Variants in NUP214 observed in about 807,000 individuals in gnomAD.
NUP214 encodes the protein nuclear pore complex protein Nup214.
In NUP214, 79 loss-of-function variants were observed where a neutral mutation model predicts 196.2. The observed-to-expected ratio is 0.40, with a 90% CI of 0.34 to 0.49. NUP214 has a LOEUF of 0.49. NUP214 is among the 20% of genes least tolerant of loss of function. The pLI, the probability that NUP214 is intolerant of heterozygous loss-of-function variation, is 0.58. For missense variants in NUP214, 2,468 were observed against 2,539.0 expected (o/e 0.97, Z 0.60); for synonymous variants, 1,020 against 990.5 (o/e 1.03, Z -0.56).
At chr9:131,150,493 T>C in intron 15 of NUP214, 83 bp downstream of exon 15, 2 of 1,569,850 alleles carry the variant, frequency 1.3e-6, no homozygotes, top group East Asian at 2.2e-5. Flanking sequence ...GTATGACTAG[T>C]TAGTTCATTC....
At chr9:131,223,925 G>A (rs1834654711) in intron 32 of NUP214, among the ~76,000 whole-genome samples, 1 of 149,320 alleles carries the variant, frequency 6.7e-6, no homozygotes, top group Non-Finnish European at 1.5e-5. Context: ...TAGTAGAGAC[G>A]GGGTTTCACC....
chr9:131,148,532 C>T (rs1411502542), intron 14 of NUP214, among the ~76,000 whole-genome samples: 1 of 152,042 alleles, frequency 6.6e-6, no homozygotes, highest in Non-Finnish European at 1.5e-5. Flanking sequence ...TAGTAGATTC[C>T]CACCAAGAGT....
At chr9:131,216,114 G>A (rs1194855233) in intron 31 of NUP214, among the ~76,000 whole-genome samples, 3 of 151,552 alleles carry the variant, frequency 2.0e-5, no homozygotes, top group Non-Finnish European at 2.9e-5. Flanking sequence ...TGTTGACCAG[G>A]CTGGTCTCAA....
rs767144957 is a variant in NUP214 at position 131,175,538 on chromosome 9, C to A, written c.3236C>A (p.Ala1079Glu). 3 of 1,614,096 alleles carry A rather than the reference C, an allele frequency of 1.9e-6. No individual in the cohort carries two copies. The South Asian group carries it at 3.3e-5, about 18-fold the overall frequency. The change falls in exon 23 of 36, where the codon GCA (alanine) becomes GAA (glutamate). Residue 1079 changes from alanine (A) to glutamate (E), a missense_variant. This residue lies in a region of NUP214 where 1,801 missense variants were observed against 1,779.4 expected (regional missense o/e 1.01). Coordinates refer to ENST00000359428, the MANE Select transcript of NUP214 (RefSeq NM_005085.4). Reference protein sequence around the residue: ...MLATKTVKHGAPSPSHPISAP... With the variant: ...MLATKTVKHGEPSPSHPISAP... ...GCCACGAAAACCGTGAAACATGGTGCACCTAGTCCTTCCCACCCCATCTCA... is the reference window on the plus strand; with the variant it reads ...GCCACGAAAACCGTGAAACATGGTGAACCTAGTCCTTCCCACCCCATCTCA...
chr9:131,145,336 C>T (rs1002582571), intron 12 of NUP214, among the ~76,000 whole-genome samples: 5 of 152,156 alleles, frequency 3.3e-5, no homozygotes, highest in Admixed American at 6.5e-5. Flanking sequence ...TTTCTTCCCA[C>T]TAGAATGTAA....
intron 22 of NUP214, 113 bp downstream of exon 22, chr9:131,174,431 A>AATT: frequency 1.5e-6 from 1 of 666,238 alleles, no homozygotes; most frequent in Non-Finnish European, 2.1e-6. Flanking sequence ...GCTCCAGCCC[A>AATT]CTTTTTTTTT....
chr9:131,152,930 C>T (rs2133521936), intron 17 of NUP214, among the ~76,000 whole-genome samples: 1 of 152,136 alleles, frequency 6.6e-6, no homozygotes, highest in Non-Finnish European at 1.5e-5. Context: ...TGTGTGCCAC[C>T]ACACCCAGCT....
intron 30 of NUP214, among the ~76,000 whole-genome samples, 192 bp from the exon 31 acceptor site, chr9:131,215,020 G>C (rs1417140583): frequency 6.6e-6 from 1 of 152,164 alleles, no homozygotes; most frequent in Non-Finnish European, 1.5e-5. Context: ...GGAATAGCTT[G>C]AGAACTTCTC....
Position 131,197,754 on chromosome 9 carries a change from A to T in NUP214, c.4260A>T (p.Gly1420=). Residue 1420 remains glycine, a synonymous_variant, in exon 29 of 36, where the codon GGA becomes GGT. Transcript: ENST00000359428. The part of the protein sequence containing the change: ...VFGSLPVTSA[G]SSGVISFGGT... ...GCAGTCTGCCAGTCACCAGTGCAGG[A>T]TCCTCTGGGGTCATCAGTTTTGGTG... 6.2e-7 allele frequency: 1 copy of T among 1,614,150 alleles called. No homozygotes were observed. Among genetic ancestry groups the T allele is most frequent in the Non-Finnish European group, 8.5e-7 (1 of 1,180,022 alleles).
intron 26 of NUP214, 60 bp from the exon 27 acceptor site, chr9:131,192,148 T>G: frequency 3.5e-6 from 4 of 1,135,364 alleles, no homozygotes; most frequent in Non-Finnish European, 4.9e-6. Context: ...TGGAACAGTG[T>G]TTCTGTCTTT....
At chr9:131,163,218 A>G (rs753107085) in intron 19 of NUP214, 45 bp downstream of exon 19, 4 of 1,558,284 alleles carry the variant, frequency 2.6e-6, no homozygotes, top group Non-Finnish European at 3.5e-6. Context: ...GAATGAATGC[A>G]TGAACATTTA....
chr9:131,157,788 GGC>G (rs1446049338), intron 17 of NUP214, among the ~76,000 whole-genome samples: 1 of 151,966 alleles, frequency 6.6e-6, no homozygotes, highest in Non-Finnish European at 1.5e-5. Context: ...TGGGATTACA[GGC>G]GCGCGCCACC....
At chr9:131,203,619 A>G (rs944489314) in intron 30 of NUP214, among the ~76,000 whole-genome samples, 2 of 152,214 alleles carry the variant, frequency 1.3e-5, no homozygotes, top group African/African-American at 4.8e-5. Context: ...ATCTTTCTTA[A>G]GAGAGAAGTG....
chr9:131,195,211 T>G, intron 27 of NUP214, 22 bp from the exon 28 acceptor site: 1 of 1,584,482 alleles, frequency 6.3e-7, no homozygotes, highest in Non-Finnish European at 8.6e-7. Flanking sequence ...TCCTTTTTAA[T>G]TTCTCTTTTT....
At position 131,215,156 on chromosome 9, in the gene NUP214, G is replaced by A. The variant is rs182169247; in HGVS notation, c.5593-56G>A. 9.8e-4 allele frequency: 1,375 copies of A among 1,410,166 alleles called. 2 individuals are homozygous for A. Among genetic ancestry groups the A allele is most frequent in the Non-Finnish European group, 1.2e-3 (1,242 of 1,072,512 alleles). The allele number at this position is 1,410,166 out of a possible 1,614,324, so 87.4% of individuals were successfully genotyped here. Reference sequence around the variant, plus strand: ...CACCTCCTGCCCACGGATGCAGCCTGCCATTTCACGATGACCTCTCATCCT... The same window carrying A: ...CACCTCCTGCCCACGGATGCAGCCTACCATTTCACGATGACCTCTCATCCT... On this transcript the variant is annotated intron_variant, in intron 30 of 35. Transcript: ENST00000359428.
chr9:131,216,213 CTTTT>C (rs113694633), intron 31 of NUP214, among the ~76,000 whole-genome samples: 2 of 122,756 alleles, frequency 1.6e-5, no homozygotes, highest in Admixed American at 8.3e-5. Flanking sequence ...TTTAAAAATT[CTTTT>C]TTTTTTTTTT....
At position 131,189,280 on chromosome 9, in the gene NUP214, G is replaced by A. The variant is rs561423954; in HGVS notation, c.3574+149G>A. The A allele has an allele frequency of 4.6e-6, 3 of 648,592 alleles. No homozygotes were observed. In the East Asian group the frequency reaches 8.0e-5, roughly 17 times the overall value. 40.2% of individuals were successfully genotyped at this position (648,592 alleles called of 1,614,324 possible). A position where few individuals can be genotyped will look rare whatever the true frequency, so the allele number is the denominator to read the frequency against. On this transcript the variant is annotated intron_variant, in intron 26 of 35. Coordinates refer to ENST00000359428, the MANE Select transcript of NUP214 (RefSeq NM_005085.4). ...TTCAGGGTAGTATGACCATAGACAAGAGATCATATTTGAAAGCCGTCAGCT... is the reference window on the plus strand; with the variant it reads ...TTCAGGGTAGTATGACCATAGACAAAAGATCATATTTGAAAGCCGTCAGCT...
In NUP214 at chr9:131,198,210, G is replaced by A. The variant is rs373574483; in HGVS notation, c.4716G>A (p.Thr1572=). ...CTGCAGAGGCTACCCCAGCCACCACGGGGGTCCCTGATGCCAGGACGGAGG... is the reference window on the plus strand; with the variant it reads ...CTGCAGAGGCTACCCCAGCCACCACAGGGGTCCCTGATGCCAGGACGGAGG... ...ALSAEATPAT[T]GVPDARTEAV... Residue 1572 remains threonine (T), a synonymous_variant, in exon 29 of 36, where the codon ACG becomes ACA. Transcript: ENST00000359428. 28 of 1,614,064 alleles carry A rather than the reference G, an allele frequency of 1.7e-5. No homozygotes were observed. Among genetic ancestry groups the A allele is most frequent in the Admixed American group, 3.3e-5 (2 of 60,010 alleles).
intron 32 of NUP214, among the ~76,000 whole-genome samples, chr9:131,225,537 C>T (rs1414404018): frequency 2.6e-5 from 4 of 152,118 alleles, no homozygotes; most frequent in Admixed American, 1.3e-4. Context: ...ATTGAGGCCT[C>T]GAATAGAGAA....
Sources: allele counts gnomAD v4.1 joint callset (sites outside exome capture counted in the v4.1 genomes callset), GRCh38; gene constraint gnomAD v4.1.1; regional missense constraint gnomAD v4.1.1; transcripts MANE v1.5; gene names NCBI Gene and HGNC (gene_info 2026-07-23, HGNC 2026-07-21).